The following TYW1 variants were observed in gnomAD, a reference collection of about 807,000 sequenced individuals.
TYW1 encodes the protein tRNA-yW synthesizing protein 1 homolog.
TYW1 carries 46 observed loss-of-function variants against 96.2 expected under a neutral mutation model. The observed-to-expected ratio is 0.48, with a 90% CI of 0.38 to 0.61. The LOEUF (loss-of-function observed/expected upper bound fraction) is 0.61, where lower values mean the gene tolerates loss of function less well. Among genes scored for constraint, TYW1 ranks in the 20% least tolerant of loss-of-function variants. TYW1 has a pLI of 0.00. For missense variants in TYW1, 684 were observed against 909.6 expected (o/e 0.75, Z 3.19); for synonymous variants, 274 against 323.0 (o/e 0.85, Z 1.63).
Position 67,000,445 on chromosome 7 carries a change from C to T in TYW1, c.273+1491C>T, listed in dbSNP as rs564747752. Reference sequence around the variant, plus strand: ...TCCCTAGTAGCTGGGATTACAGGTGCCTGCCATCACATCTAGTTAATTTTT... The same window carrying T: ...TCCCTAGTAGCTGGGATTACAGGTGTCTGCCATCACATCTAGTTAATTTTT... On this transcript the variant is annotated intron_variant, in intron 3 of 15. Coordinates refer to ENST00000359626, the MANE Select transcript of TYW1 (RefSeq NM_018264.4). 2.3e-3 allele frequency among the ~76,000 whole-genome samples: 353 copies of T among 152,088 alleles called. 2 individuals are homozygous for T. Among genetic ancestry groups the T allele is most frequent in the Middle Eastern group, 0.017 (5 of 294 alleles).
chr7:67,049,914 A>G, intron 7 of TYW1, 35 bp from the exon 8 acceptor site: 1 of 1,612,594 alleles, frequency 6.2e-7, no homozygotes, highest in East Asian at 2.2e-5. Flanking sequence ...GCACATTACC[A>G]ATTCTGGATT....
Position 67,195,230 on chromosome 7 carries a change from C to T in TYW1, c.1870C>T (p.His624Tyr), listed in dbSNP as rs1479332879. The T allele has an allele frequency of 1.1e-5, 17 of 1,613,584 alleles. No homozygotes were observed. The highest frequency in any genetic ancestry group is 1.4e-5 in the Non-Finnish European group (17 of 1,179,984). Residue 624 changes from histidine (H) to tyrosine (Y), a missense_variant, in exon 15 of 16, where the codon CAT (histidine) becomes TAT (tyrosine). By Grantham distance (83) the His-to-Tyr change is moderately conservative. Coordinates refer to ENST00000359626, the MANE Select transcript of TYW1 (RefSeq NM_018264.4). ...SSLTMAHVPW[H>Y]EEVVQFVHEL... ...TCTTACCATGGCCCACGTGCCCTGGCATGAGGAAGTGGTACAGTTTGTCCA... is the reference window on the plus strand; with the variant it reads ...TCTTACCATGGCCCACGTGCCCTGGTATGAGGAAGTGGTACAGTTTGTCCA...
chr7:67,148,327 G>A (rs984475872), intron 13 of TYW1, among the ~76,000 whole-genome samples: 2 of 150,492 alleles, frequency 1.3e-5, no homozygotes, highest in African/African-American at 2.5e-5. Context: ...GTTTGTACTC[G>A]TTCAACAGAG....
intron 13 of TYW1, among the ~76,000 whole-genome samples, chr7:67,135,043 C>T (rs576022251): frequency 6.6e-6 from 1 of 150,728 alleles, no homozygotes; most frequent in Admixed American, 6.6e-5. Flanking sequence ...ATCAGTTGAG[C>T]TCAAGAGGCC....
chr7:67,210,885 C>T (rs1250750121), intron 15 of TYW1, among the ~76,000 whole-genome samples: 3 of 148,928 alleles, frequency 2.0e-5, no homozygotes, highest in African/African-American at 7.5e-5. Context: ...TCCATCTGTC[C>T]ATCCATCTAT....
intron 7 of TYW1, among the ~76,000 whole-genome samples, chr7:67,026,915 G>T (rs949023111): frequency 2.0e-5 from 3 of 152,090 alleles, no homozygotes; most frequent in Non-Finnish European, 2.9e-5. Context: ...AAATTATGTT[G>T]GCTGAGTGCA....
chr7:67,194,653 G>T (rs1200564564), intron 14 of TYW1, among the ~76,000 whole-genome samples: 2 of 150,456 alleles, frequency 1.3e-5, no homozygotes, highest in African/African-American at 4.9e-5. Flanking sequence ...ATTTTAAAGG[G>T]ATCCTTATCT....
At chr7:67,109,233 C>T (rs1362781968) in intron 12 of TYW1, among the ~76,000 whole-genome samples, 2 of 136,280 alleles carry the variant, frequency 1.5e-5, no homozygotes, top group Admixed American at 7.9e-5. Context: ...GAGATAGTGC[C>T]ACTGTACTCC....
At chr7:67,109,701 T>C (rs1434758181) in intron 12 of TYW1, among the ~76,000 whole-genome samples, 1 of 152,036 alleles carries the variant, frequency 6.6e-6, no homozygotes, top group Non-Finnish European at 1.5e-5. Context: ...ACCTACATAG[T>C]GAAACCCTGT....
intron 7 of TYW1, among the ~76,000 whole-genome samples, chr7:67,046,864 A>G (rs1038995690): frequency 1.3e-4 from 20 of 152,180 alleles, no homozygotes; most frequent in Non-Finnish European, 2.9e-5. Context: ...ACATTTTATA[A>G]TAGATACTTT....
intron 5 of TYW1, among the ~76,000 whole-genome samples, chr7:67,017,033 A>G (rs1407630923): frequency 7.4e-6 from 1 of 135,036 alleles, no homozygotes; most frequent in Non-Finnish European, 1.5e-5. Context: ...CCCAGGCTGG[A>G]GTGCAATGGC....
chr7:67,153,225 G>A lies in TYW1; in HGVS notation c.1699-29901G>A, dbSNP rs1417085029. ...AATCCCGGCACTTTGGGAGGCCAAG[G>A]TGGGCAGATCACTTGAGGTCAGGAG... On this transcript the variant is annotated intron_variant, in intron 13 of 15. Transcript: ENST00000359626. Among the ~76,000 whole-genome samples the A allele has an allele frequency of 3.9e-5, 6 of 152,298 alleles. No homozygotes were observed. The East Asian group carries it at 1.2e-3, about 29-fold the overall frequency.
chr7:67,225,190 CAA>C (rs10600752), intron 15 of TYW1, among the ~76,000 whole-genome samples: 3,011 of 77,782 alleles, frequency 0.039, 63 homozygotes, highest in African/African-American at 0.12. Flanking sequence ...GACTCCGTCT[CAA>C]AAAAAAAAAA....
chr7:67,148,574 T>C (rs10277585), intron 13 of TYW1, among the ~76,000 whole-genome samples: 39,213 of 151,144 alleles, frequency 0.26, 5,532 homozygotes, highest in African/African-American at 0.38. Context: ...TACAGGCGCC[T>C]GCCACCACGC....
rs1453826324 is a variant in TYW1 at position 67,046,087 on chromosome 7, T to TA, written c.985-3861dup. ...CAGGTTTTATAGGCAGAGGGATTAA[T>TA]ATGAGGCAGTATAATTAGTGAAGTG... On this transcript the variant is annotated intron_variant, in intron 7 of 15. Coordinates refer to ENST00000359626, the MANE Select transcript of TYW1 (RefSeq NM_018264.4). 3.9e-5 allele frequency among the ~76,000 whole-genome samples: 6 copies of TA among 152,248 alleles called. No individual in the cohort carries two copies. In the South Asian group the frequency reaches 1.2e-3, roughly 32 times the overall value.
intron 12 of TYW1, among the ~76,000 whole-genome samples, chr7:67,107,365 A>C (rs1797275178): frequency 6.6e-6 from 1 of 152,158 alleles, no homozygotes; most frequent in Admixed American, 6.6e-5. Context: ...AAACATATGA[A>C]GTTTAAAATC....
At chr7:67,029,029 C>T (rs7459138) in intron 7 of TYW1, among the ~76,000 whole-genome samples, 2,120 of 149,726 alleles carry the variant, frequency 0.014, 117 homozygotes, top group Admixed American at 0.097. Flanking sequence ...GACGGAGTCT[C>T]GCTCTGTTGC....
At chr7:67,066,680 C>G (rs1338019793) in intron 9 of TYW1, among the ~76,000 whole-genome samples, 1 of 152,108 alleles carries the variant, frequency 6.6e-6, no homozygotes, top group Non-Finnish European at 1.5e-5. Flanking sequence ...GAGACCTCAT[C>G]TCTACAAAAA....
At chr7:67,054,716 G>A (rs1411316750) in intron 8 of TYW1, among the ~76,000 whole-genome samples, 2 of 152,172 alleles carry the variant, frequency 1.3e-5, no homozygotes, top group Non-Finnish European at 2.9e-5. Flanking sequence ...GCCTGCAAGA[G>A]TCTTTTTGTG....
Sources: allele counts gnomAD v4.1 joint callset (sites outside exome capture counted in the v4.1 genomes callset), GRCh38; gene constraint gnomAD v4.1.1; transcripts MANE v1.5; gene names NCBI Gene and HGNC (gene_info 2026-07-23, HGNC 2026-07-21).